GALNT18: variants seen among roughly 807,000 people sequenced by gnomAD.
GALNT18 encodes the protein GalNAc-transferase 18.
GALNT18 carries 44 observed loss-of-function variants against 69.5 expected under a neutral mutation model. That is an observed-to-expected ratio of 0.63 (90% CI 0.50 to 0.81). GALNT18 has a LOEUF of 0.81. Ranked by LOEUF, GALNT18 falls within the 40% of genes least tolerant of loss-of-function variation. GALNT18 has a pLI of 0.00. For synonymous variants in GALNT18, 364 were observed against 318.2 expected (o/e 1.14, Z -1.53); for missense variants, 715 against 810.0 (o/e 0.88, Z 1.42).
At chr11:11,350,523 C>A (rs1473865245) in intron 6 of GALNT18, among the ~76,000 whole-genome samples, 1 of 152,226 alleles carries the variant, frequency 6.6e-6, no homozygotes, top group African/African-American at 2.4e-5. Flanking sequence ...CAGGCTCTGA[C>A]ATACAGGGGT....
At chr11:11,429,727 G>C (rs1232359336) in intron 3 of GALNT18, among the ~76,000 whole-genome samples, 2 of 152,170 alleles carry the variant, frequency 1.3e-5, no homozygotes, top group African/African-American at 4.8e-5. Flanking sequence ...ATGACTTCAG[G>C]CTTTAGTCCA....
intron 3 of GALNT18, among the ~76,000 whole-genome samples, chr11:11,392,006 T>G (rs115838642): frequency 6.6e-6 from 1 of 152,250 alleles, no homozygotes; most frequent in African/African-American, 2.4e-5. Context: ...ATGAGTCATG[T>G]CTTGGCTCAA....
intron 1 of GALNT18, among the ~76,000 whole-genome samples, chr11:11,450,065 G>T (rs987565723): frequency 6.7e-6 from 1 of 149,924 alleles, no homozygotes; most frequent in Non-Finnish European, 1.5e-5. Flanking sequence ...AGAAATCAGA[G>T]AAATTGGACA....
rs1171218186 is a variant in GALNT18 at position 11,339,931 on chromosome 11, T to C, written c.1278+888A>G. 6.6e-6 allele frequency among the ~76,000 whole-genome samples: 1 copy of C among 152,182 alleles called. No individual in the cohort carries two copies. Among genetic ancestry groups the C allele is most frequent in the Non-Finnish European group, 1.5e-5 (1 of 68,030 alleles). On this transcript the variant is annotated intron_variant, in intron 7 of 10. Coordinates refer to ENST00000227756, the MANE Select transcript of GALNT18 (RefSeq NM_198516.3). This position sits in a 1 kb window ranked among gnomAD's most constrained non-coding sequence, Gnocchi z 5.2. Reference sequence around the variant, plus strand: ...TGAGCGAAGATCAATCACTTCCCCATTAGAAGCTTCCTAAAGGACTCCAAA... The same window carrying C: ...TGAGCGAAGATCAATCACTTCCCCACTAGAAGCTTCCTAAAGGACTCCAAA...
rs1051914827 is a variant in GALNT18, at chr11:11,621,187, G to C, written c.235+172C>G. Among the ~76,000 whole-genome samples, 16 of 152,068 alleles carry C rather than the reference G, an allele frequency of 1.1e-4. No homozygotes were observed. Among genetic ancestry groups the C allele is most frequent in the Admixed American group, 1.0e-3 (16 of 15,286 alleles). ...GGGGAAGAGCGCACGGCCGCAGACA[G>C]AAGGTCCCGAACGCAGGCAGGAGCT... On this transcript the variant is annotated intron_variant, in intron 1 of 10. Transcript: ENST00000227756. The surrounding 1 kb of genome is among the most constrained non-coding windows in gnomAD (Gnocchi z 9.3).
intron 10 of GALNT18, among the ~76,000 whole-genome samples, chr11:11,282,277 A>G (rs1206582316): frequency 6.6e-6 from 1 of 152,188 alleles, no homozygotes; most frequent in Non-Finnish European, 1.5e-5. Flanking sequence ...CCGTGGGAGC[A>G]GCCTCCTGTT....
rs1241160429 is a variant in GALNT18 at position 11,614,913 on chromosome 11, A to G, written c.235+6446T>C. Among the ~76,000 whole-genome samples the G allele has an allele frequency of 1.3e-5, 2 of 152,226 alleles. No homozygotes were observed. Among genetic ancestry groups the G allele is most frequent in the African/African-American group, 2.4e-5 (1 of 41,460 alleles). On this transcript the variant is annotated intron_variant, in intron 1 of 10. Coordinates refer to ENST00000227756, the MANE Select transcript of GALNT18 (RefSeq NM_198516.3). The surrounding 1 kb of genome is among the most constrained non-coding windows in gnomAD (Gnocchi z 5.6). ...TACACACTTCTGGCTAAAAATGAAG[A>G]TTCTTTGGTCACGGGGAAAAGTTGT...
rs1178166853 is a variant in GALNT18 at position 11,454,007 on chromosome 11, C to G, written c.236-5071G>C. Among the ~76,000 whole-genome samples, 1 of 152,192 alleles carries G rather than the reference C, an allele frequency of 6.6e-6. No individual in the cohort carries two copies. On this transcript the variant is annotated intron_variant, in intron 1 of 10. Transcript: ENST00000227756. This position sits in a 1 kb window ranked among gnomAD's most constrained non-coding sequence, Gnocchi z 4.2. ...TCTGTTGAGTCCCTCAGACTCAGAA[C>G]AGCATCTGGCGCCTAGTAGGTGCTT...
intron 6 of GALNT18, among the ~76,000 whole-genome samples, chr11:11,343,590 T>C (rs573050973): frequency 1.3e-3 from 196 of 152,254 alleles, no homozygotes; most frequent in African/African-American, 4.5e-3. Context: ...CCAAGACCTG[T>C]ACATTCTGGG....
At chr11:11,457,044 A>C (rs1423773840) in intron 1 of GALNT18, among the ~76,000 whole-genome samples, 1 of 152,226 alleles carries the variant, frequency 6.6e-6, no homozygotes, top group Admixed American at 6.5e-5. Context: ...TTGGCCAAGC[A>C]AGAGGAGCAC....
rs1850209378 is a variant in GALNT18, at chr11:11,341,655, G to A, written c.1093-651C>T. Among the ~76,000 whole-genome samples the A allele has an allele frequency of 1.3e-5, 2 of 152,228 alleles. No homozygotes were observed. The highest frequency in any genetic ancestry group is 2.9e-5 in the Non-Finnish European group (2 of 68,040). ...AAAGATAAACCTTTGCATTCTAAGT[G>A]TTAATGGGCAGCATCTCAAAGCTCT... On this transcript the variant is annotated intron_variant, in intron 6 of 10. Transcript: ENST00000227756. The surrounding 1 kb of genome is among the most constrained non-coding windows in gnomAD (Gnocchi z 6.3).
At chr11:11,476,412 C>T (rs2242327) in intron 1 of GALNT18, 103,001 of 152,044 alleles carry the variant, frequency 0.68, 35,723 homozygotes, top group Admixed American at 0.78. Flanking sequence ...GTGAACAGAG[C>T]TAGTTGGACA....
chr11:11,574,903 C>T (rs1286282741), intron 1 of GALNT18, among the ~76,000 whole-genome samples: 1 of 152,232 alleles, frequency 6.6e-6, no homozygotes, highest in Non-Finnish European at 1.5e-5. Flanking sequence ...GCTCCAGCCT[C>T]TCAGACCCAA....
chr11:11,271,152 C>G lies in GALNT18; in HGVS notation c.1816G>C (p.Ala606Pro), dbSNP rs748319190. 3 of 1,611,216 alleles carry G rather than the reference C, an allele frequency of 1.9e-6. No homozygotes were observed. The highest frequency in any genetic ancestry group is 2.7e-5 in the African/African-American group (2 of 74,886). Residue 606 changes from alanine (A) to proline (P), a missense_variant, in exon 11 of 11, where the codon GCG becomes CCG. Coordinates refer to ENST00000227756, the MANE Select transcript of GALNT18 (RefSeq NM_198516.3). ...WSITNVLRSL[A>P]S ...GAAGTGGCCCCGGTGGGTCAGGACG[C>G]GAGGCTCCTCAGGACGTTGGTGATG...
chr11:11,495,319 C>T (rs565129327), intron 1 of GALNT18, among the ~76,000 whole-genome samples: 3 of 152,280 alleles, frequency 2.0e-5, no homozygotes, highest in Admixed American at 6.5e-5. Flanking sequence ...TTCTCAGAGC[C>T]TTCACTACGC....
chr11:11,280,902 G>C (rs1031854693), intron 10 of GALNT18, among the ~76,000 whole-genome samples: 1 of 152,178 alleles, frequency 6.6e-6, no homozygotes, highest in Admixed American at 6.5e-5. Flanking sequence ...AGGCCCAGAG[G>C]CATCCCCTGT....
intron 1 of GALNT18, among the ~76,000 whole-genome samples, chr11:11,489,291 A>C (rs1395894858): frequency 6.6e-6 from 1 of 152,224 alleles, no homozygotes; most frequent in Non-Finnish European, 1.5e-5. Flanking sequence ...CTGATAGCTG[A>C]GAGATGTGGG....
chr11:11,358,435 T>G (rs1201721370), intron 6 of GALNT18, among the ~76,000 whole-genome samples: 1 of 140,706 alleles, frequency 7.1e-6, no homozygotes, highest in African/African-American at 2.6e-5. Context: ...CATCTGAGTT[T>G]GAAATATCAA....
rs1374697851 is a variant in GALNT18 at position 11,620,068 on chromosome 11, G to C, written c.235+1291C>G. Among the ~76,000 whole-genome samples, 1 of 149,454 alleles carries C rather than the reference G, an allele frequency of 6.7e-6. No homozygotes were observed. Among genetic ancestry groups the C allele is most frequent in the East Asian group, 2.0e-4 (1 of 4,938 alleles). ...AGACGGAGGAGCCATCTCTACTCTG[G>C]CAAGAGCAGCAGGTGCAAGGATTGG... On this transcript the variant is annotated intron_variant, in intron 1 of 10. Transcript: ENST00000227756. This position sits in a 1 kb window ranked among gnomAD's most constrained non-coding sequence, Gnocchi z 6.9.
Sources: allele counts gnomAD v4.1 joint callset (sites outside exome capture counted in the v4.1 genomes callset), GRCh38; gene constraint gnomAD v4.1.1; non-coding constraint Gnocchi (gnomAD v3.1); transcripts MANE v1.5; gene names NCBI Gene and HGNC (gene_info 2026-07-23, HGNC 2026-07-21).